SDC2: variants seen among roughly 807,000 people sequenced by gnomAD.
SDC2 encodes the protein syndecan-2.
SDC2 carries 13 observed loss-of-function variants against 22.2 expected under a neutral mutation model. The ratio of observed to expected loss-of-function variants is 0.59; its 90% confidence interval spans 0.38 to 0.93. The LOEUF is 0.93. Among genes scored for constraint, SDC2 ranks in the 40% least tolerant of loss-of-function variants. The pLI is 0.00. For synonymous variants in SDC2, 94 were observed against 92.8 expected, an observed-to-expected ratio of 1.01 and a Z score of -0.07; for missense variants, 235 against 246.8, an observed-to-expected ratio of 0.95 and a Z score of 0.32.
chr8:96,592,623 C>T (rs1471698689), intron 1 of SDC2, among the ~76,000 whole-genome samples: 1 of 152,084 alleles, frequency 6.6e-6, no homozygotes, highest in Non-Finnish European at 1.5e-5. Flanking sequence ...CTTCTTTTGG[C>T]AGGATTAGGT....
At chr8:96,511,200 A>G (rs1813322310) in intron 1 of SDC2, among the ~76,000 whole-genome samples, 1 of 152,174 alleles carries the variant, frequency 6.6e-6, no homozygotes. Context: ...CCTTGACAGC[A>G]CAGACACTAT....
intron 1 of SDC2, among the ~76,000 whole-genome samples, chr8:96,542,087 A>G (rs1259541182): frequency 1.3e-5 from 2 of 152,072 alleles, no homozygotes; most frequent in African/African-American, 4.8e-5. Flanking sequence ...AGCACCAGAA[A>G]TGGCTCTCTT....
chr8:96,563,077 T>C (rs1331075159), intron 1 of SDC2, among the ~76,000 whole-genome samples: 3 of 152,222 alleles, frequency 2.0e-5, no homozygotes, highest in Non-Finnish European at 4.4e-5. Flanking sequence ...ACATTTTCCC[T>C]TGACACACGC....
At chr8:96,585,007 A>C (rs1220823152) in intron 1 of SDC2, 1 of 152,178 alleles carries the variant, frequency 6.6e-6, no homozygotes, top group Non-Finnish European at 1.5e-5. Context: ...CATTACCACA[A>C]ACAGAAGTAA....
At chr8:96,517,767 G>A (rs1355210469) in intron 1 of SDC2, among the ~76,000 whole-genome samples, 1 of 85,388 alleles carries the variant, frequency 1.2e-5, no homozygotes, top group African/African-American at 5.6e-5. Context: ...GTTTGTGTGT[G>A]TGCATGTGTG....
chr8:96,529,598 T>C (rs1563650054), intron 1 of SDC2, among the ~76,000 whole-genome samples: 1 of 152,202 alleles, frequency 6.6e-6, no homozygotes, highest in Non-Finnish European at 1.5e-5. Flanking sequence ...GGTTTCTTGC[T>C]CAGTGCTTAC....
chr8:96,598,501 C>T (rs915410069), intron 2 of SDC2, among the ~76,000 whole-genome samples: 7 of 151,798 alleles, frequency 4.6e-5, no homozygotes, highest in Admixed American at 4.6e-4. Flanking sequence ...GCCTGTAATC[C>T]CAGCTACTTG....
chr8:96,609,664 T>C lies in SDC2; in HGVS notation c.*116T>C, dbSNP rs1486896571. On this transcript the variant is annotated 3_prime_UTR_variant, in exon 5 of 5. Coordinates refer to ENST00000302190, the MANE Select transcript of SDC2 (RefSeq NM_002998.4). ...TTCATTAAAGAGCCATTCTGGCACT[T>C]TAATGATAAAATCCCATTGTATTTA... 3.2e-6 allele frequency: 2 copies of C among 632,406 alleles called. No individual in the cohort carries two copies. Among genetic ancestry groups the C allele is most frequent in the Non-Finnish European group, 4.9e-6 (2 of 406,664 alleles). 39.2% of individuals were successfully genotyped at this position (632,406 alleles called of 1,614,324 possible).
intron 1 of SDC2, among the ~76,000 whole-genome samples, chr8:96,514,112 A>C (rs1391163321): frequency 6.6e-6 from 1 of 152,206 alleles, no homozygotes; most frequent in African/African-American, 2.4e-5. Flanking sequence ...TTGCTGTTAA[A>C]CTGATGGCAA....
rs372026929 is a variant in SDC2 at position 96,545,210 on chromosome 8, T to C, written c.61-48270T>C. 1.6e-4 allele frequency among the ~76,000 whole-genome samples: 24 copies of C among 152,344 alleles called. 1 individual carries two copies. The highest frequency in any genetic ancestry group is 4.8e-4 in the African/African-American group (20 of 41,576). ...AATATTTTAGAGGGTTTTTAGAAAG[T>C]CGAAATTCAGTGGATAAGACTTTTG... On this transcript the variant is annotated intron_variant, in intron 1 of 4. Transcript: ENST00000302190.
chr8:96,566,020 A>G (rs1814294007), intron 1 of SDC2, among the ~76,000 whole-genome samples: 1 of 151,798 alleles, frequency 6.6e-6, no homozygotes, highest in Admixed American at 6.6e-5. Flanking sequence ...GGAGGACCTT[A>G]GATGAAGTCC....
At chr8:96,575,497 T>C (rs544954448) in intron 1 of SDC2, among the ~76,000 whole-genome samples, 190 of 152,236 alleles carry the variant, frequency 1.2e-3, no homozygotes, top group African/African-American at 4.4e-3. Flanking sequence ...AGATCATAAG[T>C]GTACAGTTTG....
intron 1 of SDC2, among the ~76,000 whole-genome samples, chr8:96,590,820 G>A (rs1181357636): frequency 6.6e-6 from 1 of 152,100 alleles, no homozygotes; most frequent in Non-Finnish European, 1.5e-5. Flanking sequence ...TCACCACCCT[G>A]GATCACAGAG....
chr8:96,545,411 A>G (rs986801577), intron 1 of SDC2, among the ~76,000 whole-genome samples: 2 of 152,174 alleles, frequency 1.3e-5, no homozygotes, highest in Non-Finnish European at 2.9e-5. Context: ...GGAGACAGGG[A>G]AAAATTCACC....
chr8:96,576,378 T>TTTTTTTTTTTTTTTTTTTTTTTTTCTA (rs1814497133), intron 1 of SDC2, among the ~76,000 whole-genome samples: 1 of 68,338 alleles, frequency 1.5e-5, no homozygotes, highest in Non-Finnish European at 3.0e-5. Flanking sequence ...GTTTTTGTTT[T>TTTTTTTTTTTTTTTTTTTTTTTTTCTA]GTTTTGTTTT....
At chr8:96,605,328 T>C (rs1815059283) in intron 3 of SDC2, among the ~76,000 whole-genome samples, 1 of 152,238 alleles carries the variant, frequency 6.6e-6, no homozygotes, top group Non-Finnish European at 1.5e-5. Context: ...TTCTCTTCCC[T>C]TTTCTAACTT....
intron 1 of SDC2, among the ~76,000 whole-genome samples, chr8:96,512,545 A>G (rs1477767672): frequency 6.6e-6 from 1 of 152,044 alleles, no homozygotes; most frequent in South Asian, 2.1e-4. Flanking sequence ...GAACAGAGAG[A>G]CCTTTACCTC....
intron 1 of SDC2, among the ~76,000 whole-genome samples, chr8:96,504,253 A>G (rs747267945): frequency 2.6e-5 from 4 of 152,250 alleles, no homozygotes; most frequent in Non-Finnish European, 5.9e-5. Flanking sequence ...CTCTGTTTAC[A>G]AAGTTGTTAG....
At chr8:96,575,953 C>T (rs1407567619) in intron 1 of SDC2, among the ~76,000 whole-genome samples, 2 of 152,168 alleles carry the variant, frequency 1.3e-5, no homozygotes, top group African/African-American at 2.4e-5. Context: ...GCCTCTCTTA[C>T]CTGCTTTTCT....
Sources: allele counts gnomAD v4.1 joint callset (sites outside exome capture counted in the v4.1 genomes callset), GRCh38; gene constraint gnomAD v4.1.1; transcripts MANE v1.5; gene names NCBI Gene and HGNC (gene_info 2026-07-23, HGNC 2026-07-21).